Variants in SRL observed in about 807,000 individuals in gnomAD.
The protein encoded by SRL is sarcalumenin.
Under a neutral mutation model 39.5 loss-of-function variants are expected in SRL, and 23 were observed. The observed-to-expected ratio is 0.58, with a 90% CI of 0.42 to 0.82. The LOEUF (loss-of-function observed/expected upper bound fraction) is 0.82, where lower values mean the gene tolerates loss of function less well. Among genes scored for constraint, SRL ranks in the 40% least tolerant of loss-of-function variants. The pLI is 0.00. For synonymous variants in SRL, 272 were observed against 237.4 expected (o/e 1.15, Z -1.34); for missense variants, 592 against 607.8 (o/e 0.97, Z 0.27).
intron 1 of SRL, among the ~76,000 whole-genome samples, chr16:4,231,452 A>G (rs2052659142): frequency 1.3e-5 from 2 of 152,126 alleles, no homozygotes; most frequent in Admixed American, 1.3e-4. Flanking sequence ...CACTGAGCCA[A>G]TCGTTTTCAC....
intron 1 of SRL, chr16:4,207,616 C>T (rs1223057482): frequency 3.2e-5 from 14 of 443,538 alleles, no homozygotes; most frequent in Admixed American, 4.9e-5. Flanking sequence ...TGGACTTCCT[C>T]GGGGAGTTCA....
At chr16:4,206,050 T>G (rs1319760562) in intron 1 of SRL, among the ~76,000 whole-genome samples, 1 of 152,182 alleles carries the variant, frequency 6.6e-6, no homozygotes, top group Non-Finnish European at 1.5e-5. Flanking sequence ...GCCCCACTCC[T>G]GGTCTAAGTC....
rs577579192 is a variant in SRL at position 4,192,067 on chromosome 16, G to T, written c.*86C>A. The T allele has an allele frequency of 3.2e-5, 45 of 1,388,406 alleles. 1 individual carries two copies. The highest frequency in any genetic ancestry group is 4.6e-5 in the Admixed American group (2 of 43,830). 86.0% of individuals were successfully genotyped at this position (1,388,406 alleles called of 1,614,324 possible). ...CTGTGTAATAATTCCTGCCAGTGTG[G>T]CTCAAAGGGTTAATAAACCAGGACC... is the stretch of plus-strand genomic sequence containing the variant. On this transcript the variant is annotated 3_prime_UTR_variant, in exon 6 of 6. Coordinates refer to ENST00000399609, the MANE Select transcript of SRL (RefSeq NM_001098814.2). This position sits in a 1 kb window ranked among gnomAD's most constrained non-coding sequence, Gnocchi z 4.0.
intron 1 of SRL, among the ~76,000 whole-genome samples, chr16:4,228,503 A>C (rs1448077673): frequency 2.0e-5 from 3 of 152,112 alleles, no homozygotes; most frequent in Admixed American, 6.6e-5. Context: ...TGGGAGGCCG[A>C]GGCGGGCGGA....
intron 1 of SRL, among the ~76,000 whole-genome samples, chr16:4,236,087 A>G (rs745574565): frequency 1.2e-4 from 18 of 152,146 alleles, no homozygotes; most frequent in Non-Finnish European, 1.3e-4. Context: ...AAATAAATAA[A>G]AAGAAAACGT....
At chr16:4,206,908 G>A (rs781667926) in intron 1 of SRL, 9 of 456,380 alleles carry the variant, frequency 2.0e-5, no homozygotes, top group Admixed American at 9.4e-5. Context: ...CCTTCCTGGG[G>A]TTCCCTGGCT....
intron 4 of SRL, among the ~76,000 whole-genome samples, chr16:4,197,006 G>A (rs1310748049): frequency 2.0e-5 from 3 of 150,124 alleles, no homozygotes; most frequent in South Asian, 2.1e-4. Context: ...GAATAATGCT[G>A]CTATGGACAT....
intron 1 of SRL, among the ~76,000 whole-genome samples, chr16:4,209,453 C>T (rs1165124613): frequency 1.2e-4 from 19 of 152,146 alleles, no homozygotes; most frequent in Admixed American, 9.2e-4. Context: ...GGCCCCTCTC[C>T]GAGGAAGAGT....
intron 4 of SRL, among the ~76,000 whole-genome samples, chr16:4,196,520 C>A (rs1159018073): frequency 7.0e-6 from 1 of 143,616 alleles, no homozygotes; most frequent in African/African-American, 2.6e-5. Flanking sequence ...CTCACTCTAT[C>A]GCCCAGGCTG....
In SRL at chr16:4,192,376, G is replaced by C; in HGVS notation, c.1199C>G (p.Ala400Gly). Residue 400 changes from alanine (A) to glycine (G), a missense_variant, in exon 6 of 6, where the codon GCC becomes GGC. By Grantham distance (60) the Ala-to-Gly change is moderately conservative. Transcript: ENST00000399609. The surrounding 1 kb of genome is among the most constrained non-coding windows in gnomAD (Gnocchi z 4.0). ...VSKFDLPNRE[A>G]YKDFFGINPI... ...ATTGATGCCGAAGAAGTCCTTATAG[G>C]CCTCGCGGTTGGGAAGGTCAAATTT... 3 of 1,614,176 alleles carry C rather than the reference G, an allele frequency of 1.9e-6. No homozygotes were observed. The highest frequency in any genetic ancestry group is 2.2e-5 in the South Asian group (2 of 91,074).
At chr16:4,236,269 G>A (rs1823797151) in intron 1 of SRL, among the ~76,000 whole-genome samples, 1 of 152,102 alleles carries the variant, frequency 6.6e-6, no homozygotes, top group African/African-American at 2.4e-5. Flanking sequence ...CCTCCTGGTT[G>A]TCAGAAGGAA....
chr16:4,219,297 C>G (rs549572220), intron 1 of SRL, among the ~76,000 whole-genome samples: 4 of 152,234 alleles, frequency 2.6e-5, no homozygotes, highest in African/African-American at 7.2e-5. Flanking sequence ...TTCTCCCAGA[C>G]GTTTCTAAGC....
chr16:4,241,131 C>G (rs1597302659), intron 1 of SRL, among the ~76,000 whole-genome samples: 1 of 152,138 alleles, frequency 6.6e-6, no homozygotes, highest in African/African-American at 2.4e-5. Flanking sequence ...GGAAGACTGC[C>G]GAGTCATGAA....
chr16:4,216,787 G>A (rs9930802), intron 1 of SRL, among the ~76,000 whole-genome samples: 83,515 of 151,930 alleles, frequency 0.55, 23,897 homozygotes, highest in African/African-American at 0.7. Context: ...GAAAGGAAGG[G>A]GAAAGGGATG....
At chr16:4,193,063 A>C (rs565582230) in intron 5 of SRL, 99 bp from the exon 6 acceptor site, 1 of 1,048,754 alleles carries the variant, frequency 9.5e-7, no homozygotes, top group Admixed American at 2.6e-5. Flanking sequence ...TGAAAGAAGG[A>C]ACAGCGCTAC....
chr16:4,220,816 C>T (rs1201385317), intron 1 of SRL, among the ~76,000 whole-genome samples: 5 of 150,906 alleles, frequency 3.3e-5, no homozygotes, highest in African/African-American at 1.2e-4. Context: ...TAGTGGGACC[C>T]CGAATATACT....
intron 1 of SRL, among the ~76,000 whole-genome samples, chr16:4,230,580 G>A (rs1406050279): frequency 6.6e-6 from 1 of 151,548 alleles, no homozygotes; most frequent in Non-Finnish European, 1.5e-5. Context: ...GTAGAGACGG[G>A]GTTTCACCAT....
chr16:4,235,290 C>A (rs918707810), intron 1 of SRL, among the ~76,000 whole-genome samples: 2 of 152,202 alleles, frequency 1.3e-5, no homozygotes, highest in Non-Finnish European at 2.9e-5. Flanking sequence ...AGTCCTCATG[C>A]CAAAGTGAGT....
At chr16:4,204,438 C>A in intron 2 of SRL, 95 bp downstream of exon 2, 1 of 1,143,254 alleles carries the variant, frequency 8.7e-7, no homozygotes, top group Non-Finnish European at 1.3e-6. Flanking sequence ...GATACAGCCC[C>A]GGCACGCCCT....
Sources: gnomAD v4.1 joint callset for allele counts (sites outside exome capture counted in the v4.1 genomes callset) on GRCh38, gnomAD v4.1.1 for gene constraint, Gnocchi (gnomAD v3.1) non-coding constraint, MANE v1.5 for transcripts, NCBI Gene and HGNC (gene_info 2026-07-23, HGNC 2026-07-21) for gene names.